Variants in WNK1 observed in about 807,000 individuals in gnomAD.
WNK1 encodes the protein serine/threonine-protein kinase WNK1.
In WNK1, 38 loss-of-function variants were observed where a neutral mutation model predicts 222.8. That is an observed-to-expected ratio of 0.17 (90% confidence interval 0.13 to 0.22). The LOEUF (loss-of-function observed/expected upper bound fraction) is 0.22. Among genes scored for constraint, WNK1 ranks in the 10% least tolerant of loss-of-function variants. The pLI is 1.00. For missense variants in WNK1, 2,348 were observed against 2,918.4 expected, an observed-to-expected ratio of 0.80 and a Z score of 4.50; for synonymous variants, 1,090 against 1,092.9, an observed-to-expected ratio of 1.00 and a Z score of 0.05.
intron 1 of WNK1, among the ~76,000 whole-genome samples, chr12:788,358 T>C (rs1194976828): frequency 3.3e-5 from 5 of 152,212 alleles, no homozygotes; most frequent in African/African-American, 1.2e-4. Flanking sequence ...TATATGGAAA[T>C]TAAACATTGT....
chr12:884,726 T>G lies in WNK1; in HGVS notation c.3922T>G (p.Ser1308Ala). The stretch of plus-strand genomic sequence containing the variant: ...ATCCCTTAGTCTACAACAGGCCTTT[T>G]CTGAACTTAGACGTGCCCAAATGAC... ...ASSLSLQQAFSELRRAQMTEG... is the reference protein window; with the variant it reads ...ASSLSLQQAFAELRRAQMTEG... Residue 1308 changes from serine to alanine, a missense_variant, in exon 19 of 28, where the codon TCT (serine) becomes GCT (alanine). By Grantham distance (99) the Ser-to-Ala change is moderately conservative. Around this residue, in one of 13 missense-constraint regions of WNK1, gnomAD observed 1,144 missense variants for 1,273.6 expected, o/e 0.90. Coordinates refer to ENST00000315939, the MANE Select transcript of WNK1 (RefSeq NM_018979.4). The surrounding 1 kb of genome is among the most constrained non-coding windows in gnomAD (Gnocchi z 5.6). 1.2e-6 allele frequency: 2 copies of G among 1,614,200 alleles called. No homozygotes were observed.
At chr12:812,296 GACAC>G (rs374822115) in intron 1 of WNK1, among the ~76,000 whole-genome samples, 4 of 151,796 alleles carry the variant, frequency 2.6e-5, no homozygotes, top group African/African-American at 7.3e-5. Flanking sequence ...GCTTATTAAG[GACAC>G]ACACACACAC....
In WNK1 at chr12:886,062, A is replaced by G. The variant is rs752078094; in HGVS notation, c.5258A>G (p.Lys1753Arg). The change falls in exon 19 of 28, where the codon AAG (lysine) becomes AGG (arginine). Residue 1753 changes from lysine to arginine, a missense_variant. Lys to Arg is a conservative substitution (Grantham distance 26, BLOSUM62 2). Transcript: ENST00000315939. Reference sequence around the variant, plus strand: ...GTGAAACCTGGAACTGCTCCCTCCAAGCCACCTCTAACTAAGGCTCCGGTA... The same window carrying G: ...GTGAAACCTGGAACTGCTCCCTCCAGGCCACCTCTAACTAAGGCTCCGGTA... Reference protein sequence around the residue: ...SGVKPGTAPSKPPLTKAPVLP... With the variant: ...SGVKPGTAPSRPPLTKAPVLP... 3.4e-5 allele frequency: 54 copies of G among 1,606,628 alleles called. No individual in the cohort carries two copies. The highest frequency in any genetic ancestry group is 1.7e-4 in the Middle Eastern group (1 of 6,022).
At chr12:789,859 A>G (rs1407608228) in intron 1 of WNK1, among the ~76,000 whole-genome samples, 1 of 152,222 alleles carries the variant, frequency 6.6e-6, no homozygotes, top group Non-Finnish European at 1.5e-5. Context: ...TTCAGCCATC[A>G]CATGCATCCT....
At chr12:814,079 C>A (rs140929467) in intron 2 of WNK1, among the ~76,000 whole-genome samples, 8 of 151,388 alleles carry the variant, frequency 5.3e-5, no homozygotes, top group African/African-American at 2.0e-4. Flanking sequence ...TTTGGGAGGC[C>A]GGGGCAGGCG....
At position 753,861 on chromosome 12, in the gene WNK1, C is replaced by T. The variant is rs560595238; in HGVS notation, c.296C>T (p.Pro99Leu). 51 of 1,612,638 alleles carry T rather than the reference C, an allele frequency of 3.2e-5. No homozygotes were observed. In the East Asian group the frequency reaches 4.5e-4, roughly 14 times the overall value. The change falls in exon 1 of 28, where the codon CCT becomes CTT. Residue 99 changes from proline (P) to leucine (L), a missense_variant. Around this residue, in one of 13 missense-constraint regions of WNK1, gnomAD observed 185 missense variants for 159.2 expected, o/e 1.16. Coordinates refer to ENST00000315939, the MANE Select transcript of WNK1 (RefSeq NM_018979.4). This position sits in a 1 kb window ranked among gnomAD's most constrained non-coding sequence, Gnocchi z 5.2. ...NATALELPGL[P>L]LSLPQPSIPA... is the part of the protein sequence containing the mutation. ...ACTGCACTGGAGCTTCCCGGCCTTCCTCTTTCCCTGCCCCAGCCCAGCATC... is the reference window on the plus strand; with the variant it reads ...ACTGCACTGGAGCTTCCCGGCCTTCTTCTTTCCCTGCCCCAGCCCAGCATC...
At chr12:904,215 G>C (rs147979483) in intron 26 of WNK1, among the ~76,000 whole-genome samples, 3 of 152,336 alleles carry the variant, frequency 2.0e-5, no homozygotes, top group African/African-American at 7.2e-5. Flanking sequence ...AAGATTGGGT[G>C]TAGAAACTCC....
chr12:830,236 A>C, intron 4 of WNK1, 76 bp downstream of exon 4: 2 of 1,531,910 alleles, frequency 1.3e-6, no homozygotes, highest in Non-Finnish European at 1.8e-6. Flanking sequence ...ACATCAAACC[A>C]TGTAAAAGAG....
Position 911,161 on chromosome 12 carries a change from T to TACTGA in WNK1, c.*2374_*2378dup. ...CAAGCCTAGAGGAATGAACTAGTGC[T>TACTGA]ACTGAACTGTTTAAATTATTTTTGT... On this transcript the variant is annotated 3_prime_UTR_variant, in exon 28 of 28. Transcript: ENST00000315939. 1 of 397,138 alleles carries TACTGA rather than the reference T, an allele frequency of 2.5e-6. No homozygotes were observed. Among genetic ancestry groups the TACTGA allele is most frequent in the East Asian group, 3.6e-5 (1 of 27,944 alleles). 24.6% of individuals were successfully genotyped at this position (397,138 alleles called of 1,614,324 possible).
At chr12:791,496 TAAC>T (rs1944836749) in intron 1 of WNK1, among the ~76,000 whole-genome samples, 1 of 152,058 alleles carries the variant, frequency 6.6e-6, no homozygotes, top group Admixed American at 6.6e-5. Context: ...TTTTCTATAA[TAAC>T]ATTCTCTTCT....
rs746578232 is a variant in WNK1 at position 753,649 on chromosome 12, C to T, written c.84C>T (p.Gly28=). The change falls in exon 1 of 28, where the codon GGC becomes GGT. Residue 28 remains glycine (G), a synonymous_variant. Coordinates refer to ENST00000315939, the MANE Select transcript of WNK1 (RefSeq NM_018979.4). The surrounding 1 kb of genome is among the most constrained non-coding windows in gnomAD (Gnocchi z 5.2). The stretch of plus-strand genomic sequence containing the variant: ...CGCCGGCTCCTGCCCCCAAGAATGG[C>T]TCCAGCTCCGATTCCTCCGTGGGGG... ...LSPPAPAPKN[G]SSSDSSVGEK... is the part of the protein sequence containing the mutation. The T allele has an allele frequency of 2.9e-5, 47 of 1,612,598 alleles. No homozygotes were observed. The highest frequency in any genetic ancestry group is 3.8e-5 in the Non-Finnish European group (45 of 1,179,928).
chr12:898,686 ACC>A (rs1954961014), intron 25 of WNK1, among the ~76,000 whole-genome samples: 1 of 151,894 alleles, frequency 6.6e-6, no homozygotes, highest in Non-Finnish European at 1.5e-5. Flanking sequence ...TGGTCCTCCT[ACC>A]TTAGCTTCCT....
Position 896,365 on chromosome 12 carries a change from G to T in WNK1, c.5878G>T (p.Val1960Leu), listed in dbSNP as rs1010227759. Residue 1960 changes from valine (V) to leucine (L), a missense_variant, in exon 24 of 28, where the codon GTA becomes TTA. Transcript: ENST00000315939. ...TTANKVGRFS[V>L]SKTEDKITDT... ...AGCAAACAAAGTGGGTCGTTTCTCT[G>T]TATCAAAAACTGAGGACAAGATCAC... 8.7e-6 allele frequency: 14 copies of T among 1,614,182 alleles called. No homozygotes were observed. The highest frequency in any genetic ancestry group is 1.6e-4 in the Middle Eastern group (1 of 6,062).
In WNK1 at chr12:859,313, C is replaced by A; in HGVS notation, c.1469C>A (p.Ala490Glu). Residue 490 changes from alanine (A) to glutamate (E), a missense_variant, in exon 6 of 28, where the codon GCA (alanine) becomes GAA (glutamate). Around this residue, in one of 13 missense-constraint regions of WNK1, gnomAD observed 37 missense variants for 102.8 expected, o/e 0.36. Coordinates refer to ENST00000315939, the MANE Select transcript of WNK1 (RefSeq NM_018979.4). ...QEETGVRVELAEEDDGEKIAI... is the reference protein window; with the variant it reads ...QEETGVRVELEEEDDGEKIAI... ...GAAACAGGAGTACGGGTAGAATTAGCAGAAGAAGATGATGGAGAAAAAATA... is the reference window on the plus strand; with the variant it reads ...GAAACAGGAGTACGGGTAGAATTAGAAGAAGAAGATGATGGAGAAAAAATA... 1 of 1,613,430 alleles carries A rather than the reference C, an allele frequency of 6.2e-7. No homozygotes were observed. The highest frequency in any genetic ancestry group is 8.5e-7 in the Non-Finnish European group (1 of 1,179,812).
intron 8 of WNK1, among the ~76,000 whole-genome samples, chr12:864,417 ATTAT>A (rs1235241839): frequency 6.6e-6 from 1 of 152,026 alleles, no homozygotes; most frequent in African/African-American, 2.4e-5. Flanking sequence ...GGCCTAAATT[ATTAT>A]TTAGAGATTC....
At chr12:788,450 A>G (rs1944526324) in intron 1 of WNK1, among the ~76,000 whole-genome samples, 1 of 152,216 alleles carries the variant, frequency 6.6e-6, no homozygotes, top group South Asian at 2.1e-4. Flanking sequence ...CCATATTTCT[A>G]AAAGTTTGTG....
rs1324409467 is a variant in WNK1, at chr12:908,966, C to T, written c.*174C>T. ...TGAGCCCTCAGAATGGAGAGTCTCC[C>T]CCGCTCCAGTTATTGGAATGGGAGA... On this transcript the variant is annotated 3_prime_UTR_variant, in exon 28 of 28. Transcript: ENST00000315939. 1.4e-6 allele frequency: 1 copy of T among 735,226 alleles called. No individual in the cohort carries two copies. Among genetic ancestry groups the T allele is most frequent in the Non-Finnish European group, 2.2e-6 (1 of 451,498 alleles). 45.5% of individuals were successfully genotyped at this position (735,226 alleles called of 1,614,324 possible).
chr12:773,059 G>A (rs1036048710), intron 1 of WNK1, among the ~76,000 whole-genome samples: 1 of 152,120 alleles, frequency 6.6e-6, no homozygotes, highest in African/African-American at 2.4e-5. Flanking sequence ...AGGAGTTCGA[G>A]ACCAGCCTGA....
chr12:887,230 G>C lies in WNK1; in HGVS notation c.5290G>C (p.Val1764Leu), dbSNP rs201521760. The C allele has an allele frequency of 1.2e-6, 2 of 1,614,194 alleles. No homozygotes were observed. Among genetic ancestry groups the C allele is most frequent in the Non-Finnish European group, 1.7e-6 (2 of 1,180,020 alleles). The change falls in exon 20 of 28, where the codon GTG (valine) becomes CTG (leucine). Residue 1764 changes from valine to leucine, a missense_variant. Physicochemically the swap from Val to Leu is conservative, Grantham distance 32. This residue lies in a region of WNK1 where 1,144 missense variants were observed against 1,273.6 expected (regional missense o/e 0.90). Coordinates refer to ENST00000315939, the MANE Select transcript of WNK1 (RefSeq NM_018979.4). ...PPLTKAPVLPVGTELPAGTLP... is the reference protein window; with the variant it reads ...PPLTKAPVLPLGTELPAGTLP... ...CCTTTGTTGTCTGTAGGTGCTGCCA[G>C]TGGGTACTGAACTTCCAGCAGGTAC...
Sources: allele counts gnomAD v4.1 joint callset (sites outside exome capture counted in the v4.1 genomes callset), GRCh38; gene constraint gnomAD v4.1.1; regional missense constraint gnomAD v4.1.1; non-coding constraint Gnocchi (gnomAD v3.1); transcripts MANE v1.5; gene names NCBI Gene and HGNC (gene_info 2026-07-23, HGNC 2026-07-21).